The following GPATCH2 variants were observed in gnomAD, a reference collection of about 807,000 sequenced individuals.
GPATCH2 encodes the protein G patch domain-containing protein 2.
GPATCH2 carries 51 observed loss-of-function variants against 58.0 expected under a neutral mutation model. The observed-to-expected ratio is 0.88, with a 90% CI of 0.70 to 1.11. GPATCH2 has a LOEUF of 1.11. Among genes scored for constraint, GPATCH2 ranks in the 50% most tolerant of loss-of-function variants. The probability of loss-of-function intolerance (pLI) is 0.00; values close to 1 mark genes in which losing one functional copy is unlikely to be tolerated. For missense variants in GPATCH2, 625 were observed against 652.2 expected, an observed-to-expected ratio of 0.96 and a Z score of 0.45; for synonymous variants, 222 against 218.5, an observed-to-expected ratio of 1.02 and a Z score of -0.14.
intron 5 of GPATCH2, among the ~76,000 whole-genome samples, chr1:217,537,440 T>C (rs995452264): frequency 1.1e-4 from 16 of 152,046 alleles, no homozygotes; most frequent in African/African-American, 3.9e-4. Context: ...CTTTATAATA[T>C]ATAAAGGTTA....
intron 9 of GPATCH2, among the ~76,000 whole-genome samples, chr1:217,441,069 C>T (rs563170700): frequency 6.6e-6 from 1 of 152,252 alleles, no homozygotes; most frequent in African/African-American, 2.4e-5. Flanking sequence ...GCAAAAAGAA[C>T]AAAGCTGGAG....
At position 217,538,111 on chromosome 1, in the gene GPATCH2, C is replaced by G. The variant is rs533877846; in HGVS notation, c.1099-23222G>C. 5.3e-5 allele frequency among the ~76,000 whole-genome samples: 8 copies of G among 152,160 alleles called. No individual in the cohort carries two copies. The East Asian group carries it at 1.5e-3, about 29-fold the overall frequency. ...AGGTATCAACTAAAAAATCTACATC[C>G]ATTTAAAAAAATAAAGTTTGAACCC... On this transcript the variant is annotated intron_variant, in intron 5 of 9. Coordinates refer to ENST00000366935, the MANE Select transcript of GPATCH2 (RefSeq NM_018040.5).
chr1:217,611,182 T>C (rs1668606844), intron 3 of GPATCH2, 111 bp from the exon 4 acceptor site: 3 of 940,732 alleles, frequency 3.2e-6, no homozygotes, highest in Non-Finnish European at 4.8e-6. Context: ...AATTTGAATT[T>C]GAGATCAATG....
At chr1:217,486,744 G>T (rs1661472377) in intron 8 of GPATCH2, among the ~76,000 whole-genome samples, 1 of 152,184 alleles carries the variant, frequency 6.6e-6, no homozygotes, top group Admixed American at 6.5e-5. Context: ...TTAGAGTGGA[G>T]AGGCTCTGGC....
chr1:217,620,578 T>C (rs1558533464), intron 1 of GPATCH2, 79 bp from the exon 2 acceptor site: 1 of 827,268 alleles, frequency 1.2e-6, no homozygotes, highest in African/African-American at 1.8e-5. Context: ...AGACAATTCA[T>C]TCTAAATTCG....
At chr1:217,505,863 C>G (rs1464180692) in intron 6 of GPATCH2, among the ~76,000 whole-genome samples, 1 of 152,142 alleles carries the variant, frequency 6.6e-6, no homozygotes, top group Non-Finnish European at 1.5e-5. Context: ...TGGTCCATCA[C>G]CCAGGCTGGA....
intron 5 of GPATCH2, among the ~76,000 whole-genome samples, chr1:217,606,557 A>C (rs1668370179): frequency 6.6e-6 from 1 of 152,090 alleles, no homozygotes; most frequent in African/African-American, 2.4e-5. Context: ...CCTGGACAAC[A>C]TGGCAAAACC....
intron 1 of GPATCH2, among the ~76,000 whole-genome samples, chr1:217,628,538 A>C (rs1669570462): frequency 2.0e-5 from 3 of 152,070 alleles, no homozygotes; most frequent in Admixed American, 1.3e-4. Flanking sequence ...GCAATTCAAA[A>C]AAATGCACAC....
chr1:217,589,625 T>G (rs970730021), intron 5 of GPATCH2, among the ~76,000 whole-genome samples: 1 of 152,178 alleles, frequency 6.6e-6, no homozygotes, highest in South Asian at 2.1e-4. Context: ...TAAAAATGGC[T>G]CCTAACACAT....
chr1:217,620,207 A>C lies in GPATCH2; in HGVS notation c.349T>G (p.Ser117Ala). 6.2e-7 allele frequency: 1 copy of C among 1,614,042 alleles called. No homozygotes were observed. The highest frequency in any genetic ancestry group is 2.2e-5 in the East Asian group (1 of 44,884). Residue 117 changes from serine (S) to alanine (A), a missense_variant, in exon 2 of 10, where the codon TCT becomes GCT. Ser to Ala is a moderately conservative substitution (Grantham distance 99, BLOSUM62 1). Transcript: ENST00000366935. ...TTTGCTACTAACATTTGGTCATCAG[A>C]GTCACTGTGATCTTTTTTATTATTA... ...HNNNKKDHSD[S>A]DDQMLVAKRR... is the part of the protein sequence containing the mutation.
chr1:217,431,117 T>C lies in GPATCH2; in HGVS notation c.*28A>G. ...GAACAATGGGACATAGTGAATAAAG[T>C]CTGTAAAACATTTCTTCTTTGCTTT... On this transcript the variant is annotated 3_prime_UTR_variant, in exon 10 of 10. Transcript: ENST00000366935. 3.8e-6 allele frequency: 4 copies of C among 1,064,084 alleles called. 1 individual carries two copies. The highest frequency in any genetic ancestry group is 3.7e-5 in the South Asian group (3 of 80,156). The allele number at this position is 1,064,084 out of a possible 1,614,324, so 65.9% of individuals were successfully genotyped here.
rs140846447 is a variant in GPATCH2 at position 217,508,625 on chromosome 1, A to T, written c.1166+6197T>A. Among the ~76,000 whole-genome samples the T allele has an allele frequency of 8.9e-3, 1,346 of 152,084 alleles. 8 individuals are homozygous for T. Among genetic ancestry groups the T allele is most frequent in the Middle Eastern group, 0.044 (13 of 294 alleles). ...ATGGAGGCCAAATTAATAAGAAGTA[A>T]CTCCATTTTTATGCTTACATGTATT... On this transcript the variant is annotated intron_variant, in intron 6 of 9. Coordinates refer to ENST00000366935, the MANE Select transcript of GPATCH2 (RefSeq NM_018040.5).
intron 7 of GPATCH2, among the ~76,000 whole-genome samples, chr1:217,493,006 G>A (rs1444404726): frequency 6.6e-6 from 1 of 152,136 alleles, no homozygotes; most frequent in African/African-American, 2.4e-5. Context: ...AGATGATCAA[G>A]AATATGGTTA....
intron 5 of GPATCH2, among the ~76,000 whole-genome samples, chr1:217,577,015 G>A (rs1325570404): frequency 1.3e-5 from 2 of 152,056 alleles, no homozygotes; most frequent in Non-Finnish European, 2.9e-5. Context: ...CTAATATCAT[G>A]CCTGAAAAAA....
chr1:217,429,751 C>T lies in GPATCH2; in HGVS notation c.*1394G>A, dbSNP rs1199843252. The T allele has an allele frequency of 1.3e-5, 2 of 150,610 alleles. No homozygotes were observed. Among genetic ancestry groups the T allele is most frequent in the African/African-American group, 2.5e-5 (1 of 40,810 alleles). 9.3% of individuals were successfully genotyped at this position (150,610 alleles called of 1,614,324 possible). On this transcript the variant is annotated 3_prime_UTR_variant, in exon 10 of 10. Transcript: ENST00000366935. Reference sequence around the variant, plus strand: ...GCTGAGGCAGAACAATCACTTGAACCCAGGAGGGGGAGGCTGCAGTGAGCC... The same window carrying T: ...GCTGAGGCAGAACAATCACTTGAACTCAGGAGGGGGAGGCTGCAGTGAGCC...
intron 5 of GPATCH2, among the ~76,000 whole-genome samples, chr1:217,580,212 A>G (rs975201541): frequency 6.6e-6 from 1 of 152,218 alleles, no homozygotes; most frequent in Admixed American, 6.5e-5. Context: ...AACTTGGTAT[A>G]CCACACCATA....
chr1:217,542,571 A>G (rs545012334), intron 5 of GPATCH2, among the ~76,000 whole-genome samples: 4 of 152,348 alleles, frequency 2.6e-5, no homozygotes, highest in Admixed American at 1.3e-4. Flanking sequence ...GAATGGCTCA[A>G]TCCCGAGGAA....
chr1:217,433,376 ATATATATATTTATTTATTTATT>A (rs932176855), intron 9 of GPATCH2, among the ~76,000 whole-genome samples: 37 of 61,178 alleles, frequency 6.0e-4, no homozygotes, highest in African/African-American at 1.1e-3. Flanking sequence ...ATATATATAT[ATATATATATTTATTTATTTATT>A]TATTTATTTA....
chr1:217,521,532 A>AATG (rs1222691286), intron 5 of GPATCH2, among the ~76,000 whole-genome samples: 1 of 152,124 alleles, frequency 6.6e-6, no homozygotes, highest in African/African-American at 2.4e-5. Context: ...AAGTATATGC[A>AATG]ATGCAGGGCA....
Sources: allele counts gnomAD v4.1 joint callset (sites outside exome capture counted in the v4.1 genomes callset), GRCh38; gene constraint gnomAD v4.1.1; transcripts MANE v1.5; gene names NCBI Gene and HGNC (gene_info 2026-07-23, HGNC 2026-07-21).